Variants in CD101 observed in about 807,000 individuals in gnomAD.
CD101 encodes immunoglobulin superfamily member 2.
A neutral mutation model predicts 98.2 loss-of-function variants in CD101; 76 were observed. That is an observed-to-expected ratio of 0.77 (90% CI 0.64 to 0.94). The LOEUF (loss-of-function observed/expected upper bound fraction) is 0.94. Ranked by LOEUF, CD101 falls within the 40% of genes least tolerant of loss-of-function variation. CD101 has a pLI of 0.00. For missense variants in CD101, 1,145 were observed against 1,218.8 expected (o/e 0.94, Z 0.90); for synonymous variants, 471 against 472.7 (o/e 1.00, Z 0.05).
chr1:117,035,301 A>G (rs1455942378), intron 9 of CD101, among the ~76,000 whole-genome samples: 1 of 152,208 alleles, frequency 6.6e-6, no homozygotes, highest in African/African-American at 2.4e-5. Flanking sequence ...ATTTCCAAGG[A>G]GAGCAATTTA....
At chr1:117,027,700 C>T (rs867067958) in intron 8 of CD101, among the ~76,000 whole-genome samples, 1 of 152,188 alleles carries the variant, frequency 6.6e-6, no homozygotes, top group African/African-American at 2.4e-5. Flanking sequence ...GAAGGAAGAA[C>T]TTTATCATGA....
chr1:117,011,866 G>T lies in CD101; in HGVS notation c.741G>T (p.Leu247=). The part of the protein sequence containing the change: ...ERLQSSDQGQ[L]FCEATEWIQD... ...TCCAGTCCTCAGATCAGGGTCAGCT[G>T]TTCTGTGAGGCAACGGAATGGATTC... The change falls in exon 3 of 10, where the codon CTG becomes CTT. Residue 247 remains leucine, a synonymous_variant. Coordinates refer to ENST00000682167, the MANE Select transcript of CD101 (RefSeq NM_001256106.3). 6.2e-7 allele frequency: 1 copy of T among 1,614,150 alleles called. No homozygotes were observed. The highest frequency in any genetic ancestry group is 8.5e-7 in the Non-Finnish European group (1 of 1,180,018).
intron 9 of CD101, among the ~76,000 whole-genome samples, chr1:117,035,104 A>C (rs1206252972): frequency 1.3e-5 from 2 of 152,100 alleles, no homozygotes; most frequent in Non-Finnish European, 2.9e-5. Context: ...GGTGGGGTGT[A>C]ATGGCTTAAA....
intron 1 of CD101, 27 bp from the exon 2 acceptor site, chr1:117,009,823 T>C (rs1652768061): frequency 6.4e-7 from 1 of 1,565,818 alleles, no homozygotes; most frequent in Non-Finnish European, 8.7e-7. Flanking sequence ...TCTCTTTTTA[T>C]TCCCCTTTCT....
At chr1:117,032,574 T>A (rs1654529787) in intron 8 of CD101, 1 of 152,272 alleles carries the variant, frequency 6.6e-6, no homozygotes, top group Non-Finnish European at 1.5e-5. Flanking sequence ...ATCCCATGAA[T>A]CCTGTAGCTT....
chr1:117,028,042 G>A (rs533861361), intron 8 of CD101, among the ~76,000 whole-genome samples: 207 of 152,030 alleles, frequency 1.4e-3, no homozygotes, highest in African/African-American at 4.5e-3. Context: ...CCGAGATCAC[G>A]CCATTGCACT....
At chr1:117,007,742 T>C (rs116278013) in intron 1 of CD101, among the ~76,000 whole-genome samples, 1,938 of 152,376 alleles carry the variant, frequency 0.013, 16 homozygotes, top group Non-Finnish European at 0.02. Context: ...TTATAAACAG[T>C]ACGATCATTC....
intron 5 of CD101, among the ~76,000 whole-genome samples, chr1:117,017,804 A>G (rs1322951962): frequency 6.6e-6 from 1 of 152,190 alleles, no homozygotes; most frequent in Admixed American, 6.5e-5. Flanking sequence ...AAGCATGTGC[A>G]AAAGGGTTCT....
Position 117,018,927 on chromosome 1 carries a change from C to A in CD101, c.2017+367C>A, listed in dbSNP as rs574954266. ...TGGATTAGTCACTGTCCAGGCCTTA[C>A]CAGTTAGTAAACATTTGCAGTGTCT... On this transcript the variant is annotated intron_variant, in intron 6 of 9. Transcript: ENST00000682167. This position sits in a 1 kb window ranked among gnomAD's most constrained non-coding sequence, Gnocchi z 4.3. 2.6e-5 allele frequency among the ~76,000 whole-genome samples: 4 copies of A among 152,230 alleles called. No homozygotes were observed. Among genetic ancestry groups the A allele is most frequent in the African/African-American group, 9.6e-5 (4 of 41,534 alleles).
At chr1:117,016,364 A>C (rs965590426) in intron 4 of CD101, among the ~76,000 whole-genome samples, 1 of 152,016 alleles carries the variant, frequency 6.6e-6, no homozygotes, top group Non-Finnish European at 1.5e-5. Context: ...AGGGAAAGAT[A>C]AGAAAGAGGA....
Position 117,018,400 on chromosome 1 carries a change from T to C in CD101, c.1857T>C (p.Ser619=). The C allele has an allele frequency of 3.7e-6, 6 of 1,614,216 alleles. No homozygotes were observed. Among genetic ancestry groups the C allele is most frequent in the Non-Finnish European group, 5.1e-6 (6 of 1,180,040 alleles). The change falls in exon 6 of 10, where the codon TCT becomes TCC. Residue 619 remains serine, a synonymous_variant. Transcript: ENST00000682167. This position sits in a 1 kb window ranked among gnomAD's most constrained non-coding sequence, Gnocchi z 4.3. ...AAAAGAAGACGAAAGTGTCGCAGTC[T>C]TTATTTCGTTCACAACTCCTAGTCC... ...RFQKKTKVSQ[S]LFRSQLLVHD...
At chr1:117,020,929 T>G (rs748515670) in intron 6 of CD101, among the ~76,000 whole-genome samples, 10 of 152,234 alleles carry the variant, frequency 6.6e-5, no homozygotes, top group African/African-American at 2.4e-4. Flanking sequence ...TTGTCACTCA[T>G]CTTTCTGACA....
Position 117,018,703 on chromosome 1 carries a change from C to T in CD101, c.2017+143C>T. ...AGTAAGCACCACATGATGAATGATA[C>T]CCAGGTTAACATTGAGTTAGTATGC... is the stretch of plus-strand genomic sequence containing the variant. On this transcript the variant is annotated intron_variant, in intron 6 of 9. Coordinates refer to ENST00000682167, the MANE Select transcript of CD101 (RefSeq NM_001256106.3). The surrounding 1 kb of genome is among the most constrained non-coding windows in gnomAD (Gnocchi z 4.3). 1.3e-6 allele frequency: 1 copy of T among 774,544 alleles called. No homozygotes were observed. The highest frequency in any genetic ancestry group is 1.9e-5 in the South Asian group (1 of 51,710). The allele number at this position is 774,544 out of a possible 1,614,324, so 48.0% of individuals were successfully genotyped here. A position where few individuals can be genotyped will look rare whatever the true frequency, so the allele number is the denominator to read the frequency against.
chr1:117,029,204 A>AAAGAAGGAAAGAAGG lies in CD101; in HGVS notation c.2824+3302_2824+3303insGAAGGAAAGAAGGAA. Among the ~76,000 whole-genome samples, 3 of 58,874 alleles carry AAAGAAGGAAAGAAGG rather than the reference A, an allele frequency of 5.1e-5. No individual in the cohort carries two copies. The East Asian group carries it at 1.2e-3, about 24-fold the overall frequency. The allele number at this position is 58,874 out of a possible 152,430, so 38.6% of individuals were successfully genotyped here. A position where few individuals can be genotyped will look rare whatever the true frequency, so the allele number is the denominator to read the frequency against. On this transcript the variant is annotated intron_variant, in intron 8 of 9. Coordinates refer to ENST00000682167, the MANE Select transcript of CD101 (RefSeq NM_001256106.3). ...GAAAGAAAGAAAGAAAGAAAGAAAG[A>AAAGAAGGAAAGAAGG]AAAGAAAGAAAAGAAAGAAAGAAAG...
intron 1 of CD101, among the ~76,000 whole-genome samples, chr1:117,007,330 C>T (rs555921446): frequency 6.2e-4 from 94 of 151,974 alleles, no homozygotes; most frequent in African/African-American, 2.1e-3. Flanking sequence ...ACTTTCCTGA[C>T]TTTCATGATA....
chr1:117,029,784 T>C (rs1283341405), intron 8 of CD101, among the ~76,000 whole-genome samples: 9 of 152,220 alleles, frequency 5.9e-5, no homozygotes, highest in Non-Finnish European at 1.0e-4. Flanking sequence ...CAGCTTGGGC[T>C]GGTTTTAGGG....
chr1:117,008,484 A>G (rs1011156042), intron 1 of CD101, among the ~76,000 whole-genome samples: 2 of 152,086 alleles, frequency 1.3e-5, no homozygotes, highest in Admixed American at 1.3e-4. Context: ...AATTATTACT[A>G]GAAATGTGTG....
In CD101 at chr1:117,019,950, C is replaced by T. The variant is rs1441821765; in HGVS notation, c.2017+1390C>T. Among the ~76,000 whole-genome samples the T allele has an allele frequency of 1.3e-5, 2 of 152,152 alleles. No individual in the cohort carries two copies. Among genetic ancestry groups the T allele is most frequent in the East Asian group, 1.9e-4 (1 of 5,198 alleles). ...TGGTACATTTGTGTCTTTCCAGCAT[C>T]ATCTCCTTCAACTTTCCATCGTGAA... On this transcript the variant is annotated intron_variant, in intron 6 of 9. Transcript: ENST00000682167. This position sits in a 1 kb window ranked among gnomAD's most constrained non-coding sequence, Gnocchi z 4.3.
chr1:117,023,431 T>A lies in CD101; in HGVS notation c.2428+1448T>A, dbSNP rs185273588. On this transcript the variant is annotated intron_variant, in intron 7 of 9. Coordinates refer to ENST00000682167, the MANE Select transcript of CD101 (RefSeq NM_001256106.3). This position sits in a 1 kb window ranked among gnomAD's most constrained non-coding sequence, Gnocchi z 4.4. ...ACTAATTCACTTCTTCTTTTTCTTT[T>A]TTTTTAGACGGAGTCTTGCTCTGTT... Among the ~76,000 whole-genome samples, 6 of 152,194 alleles carry A rather than the reference T, an allele frequency of 3.9e-5. No homozygotes were observed. Among genetic ancestry groups the A allele is most frequent in the African/African-American group, 1.4e-4 (6 of 41,452 alleles).
Sources: gnomAD v4.1 joint callset for allele counts (sites outside exome capture counted in the v4.1 genomes callset) on GRCh38, gnomAD v4.1.1 for gene constraint, Gnocchi (gnomAD v3.1) non-coding constraint, MANE v1.5 for transcripts, NCBI Gene and HGNC (gene_info 2026-07-23, HGNC 2026-07-21) for gene names.